The following GPC6 variants were observed in gnomAD, a reference collection of about 807,000 sequenced individuals.
The protein encoded by GPC6 is glypican-6.
A neutral mutation model predicts 55.2 loss-of-function variants in GPC6; 14 were observed. That is an observed-to-expected ratio of 0.25 (90% CI 0.17 to 0.40). The LOEUF is 0.40. GPC6 is among the 10% of genes least tolerant of loss of function. GPC6 has a pLI of 1.00. For missense variants in GPC6, 641 were observed against 708.5 expected, an observed-to-expected ratio of 0.90 and a Z score of 1.08; for synonymous variants, 278 against 259.6, an observed-to-expected ratio of 1.07 and a Z score of -0.68.
chr13:93,575,558 T>G (rs1250842120), intron 2 of GPC6, among the ~76,000 whole-genome samples: 1 of 152,178 alleles, frequency 6.6e-6, no homozygotes, highest in Non-Finnish European at 1.5e-5. Flanking sequence ...GAGCATCCTT[T>G]GAAAATGACT....
chr13:94,185,392 C>T (rs573973188), intron 4 of GPC6, among the ~76,000 whole-genome samples: 1 of 151,940 alleles, frequency 6.6e-6, no homozygotes, highest in Non-Finnish European at 1.5e-5. Context: ...AGGGTTATCA[C>T]CATAGTGTAG....
chr13:93,299,891 A>G (rs4773730), intron 1 of GPC6, among the ~76,000 whole-genome samples: 96,318 of 152,102 alleles, frequency 0.63, 31,113 homozygotes, highest in East Asian at 0.77. Context: ...CATCATACAT[A>G]TCCAACAGCC....
intron 1 of GPC6, among the ~76,000 whole-genome samples, chr13:93,232,592 A>T (rs1876097804): frequency 6.6e-6 from 1 of 152,190 alleles, no homozygotes; most frequent in African/African-American, 2.4e-5. Flanking sequence ...TCTCAACTGC[A>T]TTGTATCTTA....
At chr13:93,219,569 C>A in the GPC6 span, among the ~76,000 whole-genome samples, 1 of 152,056 alleles carries the variant, frequency 6.6e-6, no homozygotes, top group East Asian at 1.9e-4. Flanking sequence ...AGCAGACAAT[C>A]CATTCAAAAT....
intron 1 of GPC6, among the ~76,000 whole-genome samples, chr13:93,529,559 C>G (rs142017949): frequency 6.8e-6 from 1 of 146,608 alleles, no homozygotes; most frequent in Non-Finnish European, 1.5e-5. Context: ...TCTGTCACCC[C>G]GGCTGGAGTG....
At chr13:93,607,028 A>G (rs1021662724) in intron 2 of GPC6, among the ~76,000 whole-genome samples, 1 of 152,124 alleles carries the variant, frequency 6.6e-6, no homozygotes, top group South Asian at 2.1e-4. Context: ...TTTATTTCCT[A>G]ATATTTTCAG....
chr13:93,961,047 C>T (rs930014575), intron 3 of GPC6, among the ~76,000 whole-genome samples: 4 of 152,154 alleles, frequency 2.6e-5, no homozygotes, highest in East Asian at 1.9e-4. Context: ...ATCTCCTGAC[C>T]TCGTGATCCG....
intron 1 of GPC6, among the ~76,000 whole-genome samples, chr13:93,536,577 A>G (rs1382156206): frequency 6.6e-6 from 1 of 152,202 alleles, no homozygotes; most frequent in Non-Finnish European, 1.5e-5. Flanking sequence ...TTATGGGGAA[A>G]TAATAGTCCA....
chr13:94,175,949 TATATATAGAGAGAG>T (rs1010845198), intron 4 of GPC6, among the ~76,000 whole-genome samples: 1 of 105,924 alleles, frequency 9.4e-6, no homozygotes, highest in African/African-American at 3.1e-5. Context: ...TATATATATA[TATATATAGAGAGAG>T]AGAGAGAGAG....
intron 4 of GPC6, among the ~76,000 whole-genome samples, chr13:94,072,013 C>T (rs1254598463): frequency 3.3e-5 from 5 of 152,136 alleles, no homozygotes; most frequent in Admixed American, 3.3e-4. Context: ...ATGTCTTTTC[C>T]TACCATTTAT....
intron 1 of GPC6, among the ~76,000 whole-genome samples, chr13:93,435,500 G>C (rs537502755): frequency 6.6e-6 from 1 of 150,380 alleles, no homozygotes; most frequent in East Asian, 1.9e-4. Context: ...GTTTAGTTTT[G>C]TTTGTAAAAT....
At chr13:93,925,084 T>C (rs960752763) in intron 3 of GPC6, among the ~76,000 whole-genome samples, 13 of 152,204 alleles carry the variant, frequency 8.5e-5, no homozygotes, top group African/African-American at 2.9e-4. Flanking sequence ...ACAGTGCTAC[T>C]GTGCATTTTA....
At chr13:94,175,676 G>A (rs1418032191) in intron 4 of GPC6, among the ~76,000 whole-genome samples, 1 of 151,600 alleles carries the variant, frequency 6.6e-6, no homozygotes, top group Non-Finnish European at 1.5e-5. Flanking sequence ...AGTATAGCTG[G>A]TCTTTTTAAT....
chr13:94,271,366 ACG>A (rs35593846), intron 4 of GPC6, among the ~76,000 whole-genome samples: 25,619 of 130,952 alleles, frequency 0.2, 2,503 homozygotes, highest in East Asian at 0.36. Flanking sequence ...ACACACACAC[ACG>A]CGCGCGCGCG....
chr13:93,676,174 C>T (rs867846649), intron 2 of GPC6, among the ~76,000 whole-genome samples: 14 of 60,736 alleles, frequency 2.3e-4, no homozygotes, highest in African/African-American at 9.2e-4. Flanking sequence ...TATATACATA[C>T]ACACACACAC....
intron 4 of GPC6, among the ~76,000 whole-genome samples, chr13:94,114,460 G>A (rs1459593958): frequency 1.3e-5 from 2 of 152,076 alleles, no homozygotes; most frequent in East Asian, 3.9e-4. Flanking sequence ...TGGCTGAGCT[G>A]CAGAGATGAC....
chr13:93,314,749 GTGTGTGT>G (rs1879188086), intron 1 of GPC6, among the ~76,000 whole-genome samples: 1 of 126,396 alleles, frequency 7.9e-6, no homozygotes, highest in Non-Finnish European at 1.7e-5. Context: ...GTGTGTGTGT[GTGTGTGT>G]GCACGCATGT....
intron 6 of GPC6, among the ~76,000 whole-genome samples, chr13:94,365,746 T>G (rs1879259739): frequency 6.6e-6 from 1 of 152,338 alleles, no homozygotes; most frequent in South Asian, 2.1e-4. Flanking sequence ...ATGTTTGCAA[T>G]ATCTTACGTA....
chr13:93,635,321 C>T (rs1162495038), intron 2 of GPC6, among the ~76,000 whole-genome samples: 1 of 151,994 alleles, frequency 6.6e-6, no homozygotes, highest in Non-Finnish European at 1.5e-5. Flanking sequence ...ACATTATACC[C>T]AGCACTGTCC....
Sources: allele counts gnomAD v4.1 joint callset (sites outside exome capture counted in the v4.1 genomes callset), GRCh38; gene constraint gnomAD v4.1.1; transcripts MANE v1.5; gene names NCBI Gene and HGNC (gene_info 2026-07-23, HGNC 2026-07-21).